The following SLC24A3 variants were observed in gnomAD, a reference collection of about 807,000 sequenced individuals.
The protein encoded by SLC24A3 is sodium/potassium/calcium exchanger 3.
In SLC24A3, 28 loss-of-function variants were observed where a neutral mutation model predicts 75.8. That is an observed-to-expected ratio of 0.37 (90% confidence interval 0.27 to 0.51). The LOEUF (loss-of-function observed/expected upper bound fraction) is 0.51, where lower values mean the gene tolerates loss of function less well. Among genes scored for constraint, SLC24A3 ranks in the 20% least tolerant of loss-of-function variants. The pLI is 0.94. For synonymous variants in SLC24A3, 372 were observed against 334.1 expected, an observed-to-expected ratio of 1.11 and a Z score of -1.24; for missense variants, 663 against 847.8, an observed-to-expected ratio of 0.78 and a Z score of 2.71.
intron 2 of SLC24A3, among the ~76,000 whole-genome samples, chr20:19,457,726 A>G (rs915523647): frequency 1.3e-5 from 2 of 152,222 alleles, no homozygotes; most frequent in African/African-American, 4.8e-5. Flanking sequence ...ATTCCATTTG[A>G]GGACTCACAT....
chr20:19,477,451 A>G (rs563290622), intron 2 of SLC24A3, among the ~76,000 whole-genome samples: 6 of 152,254 alleles, frequency 3.9e-5, no homozygotes, highest in Non-Finnish European at 8.8e-5. Context: ...GCTAAGTCCA[A>G]AAAAGGTGAG....
chr20:19,424,206 C>T (rs6106075), intron 2 of SLC24A3, among the ~76,000 whole-genome samples: 18,868 of 152,152 alleles, frequency 0.12, 1,813 homozygotes, highest in East Asian at 0.39. Flanking sequence ...AGACTTGACT[C>T]CAACTCCTTC....
intron 2 of SLC24A3, among the ~76,000 whole-genome samples, chr20:19,299,749 G>A (rs766351270): frequency 6.6e-6 from 1 of 152,292 alleles, no homozygotes; most frequent in South Asian, 2.1e-4. Context: ...TGGAGGCTTT[G>A]ACCTGTGTGT....
intron 2 of SLC24A3, among the ~76,000 whole-genome samples, chr20:19,326,477 G>C (rs981503923): frequency 6.6e-6 from 1 of 152,154 alleles, no homozygotes; most frequent in African/African-American, 2.4e-5. Flanking sequence ...AGCCAGGTCC[G>C]GCCTCCTGGG....
intron 2 of SLC24A3, among the ~76,000 whole-genome samples, chr20:19,423,287 C>T (rs1416230591): frequency 6.6e-6 from 1 of 152,206 alleles, no homozygotes; most frequent in East Asian, 1.9e-4. Context: ...ATCTCCCTTC[C>T]TCTAGCTTTT....
intron 3 of SLC24A3, among the ~76,000 whole-genome samples, chr20:19,538,445 GC>G (rs1393835237): frequency 6.6e-6 from 1 of 152,080 alleles, no homozygotes; most frequent in Non-Finnish European, 1.5e-5. Context: ...AGACAACTTT[GC>G]TTTTTAATGA....
intron 2 of SLC24A3, among the ~76,000 whole-genome samples, chr20:19,486,881 C>T (rs541536485): frequency 1.3e-5 from 2 of 152,326 alleles, no homozygotes. Flanking sequence ...GAATTAAATA[C>T]ATCAGATACT....
intron 2 of SLC24A3, among the ~76,000 whole-genome samples, chr20:19,286,365 G>A (rs941023724): frequency 1.3e-5 from 2 of 152,100 alleles, no homozygotes; most frequent in Non-Finnish European, 1.5e-5. Flanking sequence ...CTGGAGTCCA[G>A]GCACAGACCA....
At chr20:19,683,916 G>A (rs1468817966) in intron 10 of SLC24A3, among the ~76,000 whole-genome samples, 1 of 152,008 alleles carries the variant, frequency 6.6e-6, no homozygotes, top group Non-Finnish European at 1.5e-5. Context: ...AAAGAAGGAA[G>A]GAAAGAAGGA....
intron 3 of SLC24A3, among the ~76,000 whole-genome samples, chr20:19,543,412 T>C (rs1025708361): frequency 2.0e-5 from 3 of 152,218 alleles, no homozygotes; most frequent in Admixed American, 6.5e-5. Context: ...GGCCATAAAT[T>C]TGAGCCTCTG....
At chr20:19,430,176 C>A (rs1470986505) in intron 2 of SLC24A3, among the ~76,000 whole-genome samples, 1 of 152,146 alleles carries the variant, frequency 6.6e-6, no homozygotes, top group Non-Finnish European at 1.5e-5. Context: ...TAAAGGCCAC[C>A]TTTAGGGTTT....
chr20:19,326,849 T>C (rs984942339), intron 2 of SLC24A3, among the ~76,000 whole-genome samples: 2 of 152,136 alleles, frequency 1.3e-5, no homozygotes, highest in African/African-American at 2.4e-5. Context: ...TCCTAAAGTA[T>C]GTTGTCCTTT....
At position 19,693,370 on chromosome 20, in the gene SLC24A3, C is replaced by T; in HGVS notation, c.1436C>T (p.Thr479Met). ...KPRWEKWFMV[T>M]FASSTLWIAA... ...CGCTGGGAGAAATGGTTCATGGTGA[C>T]GTTTGCTTCCTCCACGCTGTGGATC... Residue 479 changes from threonine (T) to methionine (M), a missense_variant, in exon 13 of 17, where the codon ACG (threonine) becomes ATG (methionine). Physicochemically the swap from Thr to Met is moderately conservative, Grantham distance 81 (BLOSUM62 -1). Around this residue, in one of 2 missense-constraint regions of SLC24A3, gnomAD observed 510 missense variants for 703.6 expected, o/e 0.72. Transcript: ENST00000328041. 2 of 1,614,150 alleles carry T rather than the reference C, an allele frequency of 1.2e-6. No individual in the cohort carries two copies. Among genetic ancestry groups the T allele is most frequent in the Non-Finnish European group, 1.7e-6 (2 of 1,180,032 alleles).
At chr20:19,344,910 CT>C (rs1985354835) in intron 2 of SLC24A3, among the ~76,000 whole-genome samples, 2 of 152,148 alleles carry the variant, frequency 1.3e-5, no homozygotes, top group Non-Finnish European at 2.9e-5. Context: ...TACTTTACCC[CT>C]AAGATCAGAA....
At chr20:19,699,738 C>T (rs2032850240) in intron 15 of SLC24A3, among the ~76,000 whole-genome samples, 1 of 152,158 alleles carries the variant, frequency 6.6e-6, no homozygotes, top group African/African-American at 2.4e-5. Context: ...CTAATTCCTT[C>T]CCTAATGAGT....
chr20:19,521,911 A>C (rs368161836), intron 3 of SLC24A3, among the ~76,000 whole-genome samples: 1 of 147,486 alleles, frequency 6.8e-6, no homozygotes, highest in East Asian at 2.0e-4. Flanking sequence ...TTTCCACCTC[A>C]CTCCCAGGGG....
At chr20:19,377,056 A>G (rs1468876952) in intron 2 of SLC24A3, among the ~76,000 whole-genome samples, 1 of 152,186 alleles carries the variant, frequency 6.6e-6, no homozygotes. Flanking sequence ...AGAATTTGCC[A>G]GGGCTGCCTA....
intron 3 of SLC24A3, among the ~76,000 whole-genome samples, chr20:19,549,187 A>C (rs1441340705): frequency 1.3e-5 from 2 of 152,350 alleles, no homozygotes; most frequent in Admixed American, 1.3e-4. Context: ...ACCTAACTGC[A>C]AGGGATGCTG....
At chr20:19,650,987 C>CTT (rs2032196045) in intron 6 of SLC24A3, among the ~76,000 whole-genome samples, 1 of 152,118 alleles carries the variant, frequency 6.6e-6, no homozygotes, top group Non-Finnish European at 1.5e-5. Flanking sequence ...TCTAAGCCTG[C>CTT]TGTAAAAGTT....
Sources: gnomAD v4.1 joint callset for allele counts (sites outside exome capture counted in the v4.1 genomes callset) on GRCh38, gnomAD v4.1.1 for gene constraint, gnomAD v4.1.1 regional missense constraint, MANE v1.5 for transcripts, NCBI Gene and HGNC (gene_info 2026-07-23, HGNC 2026-07-21) for gene names.